The following RBMS3 variants were observed in gnomAD, a reference collection of about 807,000 sequenced individuals.
RBMS3 encodes RNA-binding motif, single-stranded-interacting protein 3.
Under a neutral mutation model 66.8 loss-of-function variants are expected in RBMS3, and 27 were observed. The observed-to-expected ratio is 0.40, with a 90% CI of 0.30 to 0.56. RBMS3 has a LOEUF of 0.56. Ranked by LOEUF, RBMS3 falls within the 20% of genes least tolerant of loss-of-function variation. RBMS3 has a pLI of 0.40. For synonymous variants in RBMS3, 188 were observed against 183.0 expected (o/e 1.03, Z -0.22); for missense variants, 513 against 549.5 (o/e 0.93, Z 0.66).
At chr3:29,501,763 T>G (rs1031062954) in intron 3 of RBMS3, among the ~76,000 whole-genome samples, 1 of 151,732 alleles carries the variant, frequency 6.6e-6, no homozygotes, top group Non-Finnish European at 1.5e-5. Context: ...ACTCAAAACA[T>G]AAACATAAAA....
At chr3:29,297,768 T>C (rs1169853309) in intron 1 of RBMS3, among the ~76,000 whole-genome samples, 3 of 151,758 alleles carry the variant, frequency 2.0e-5, no homozygotes, top group Non-Finnish European at 4.4e-5. Flanking sequence ...AGTAAATAAA[T>C]TAGAGGGGAG....
intron 6 of RBMS3, among the ~76,000 whole-genome samples, chr3:29,769,690 T>C (rs1002129059): frequency 6.6e-6 from 1 of 151,850 alleles, no homozygotes; most frequent in Non-Finnish European, 1.5e-5. Flanking sequence ...TCAAGGGCTG[T>C]ATGCTTAGCT....
intron 6 of RBMS3, among the ~76,000 whole-genome samples, chr3:29,808,320 C>T (rs1418937755): frequency 6.6e-6 from 1 of 151,930 alleles, no homozygotes; most frequent in East Asian, 1.9e-4. Context: ...TATTTATACC[C>T]AATTTGGCTT....
intron 4 of RBMS3, 131 bp downstream of exon 4, chr3:29,587,336 T>TGCTCTGA: frequency 1.8e-6 from 1 of 551,368 alleles, no homozygotes; most frequent in Middle Eastern, 5.2e-4. Flanking sequence ...ATTTCTCCTT[T>TGCTCTGA]GCTCTGAGCT....
At chr3:29,349,246 A>T (rs541903082) in intron 1 of RBMS3, among the ~76,000 whole-genome samples, 1 of 152,306 alleles carries the variant, frequency 6.6e-6, no homozygotes, top group East Asian at 1.9e-4. Flanking sequence ...ATTAGCCTCC[A>T]GTGGTTTTCC....
chr3:29,509,666 C>A (rs2044323141), intron 3 of RBMS3, among the ~76,000 whole-genome samples: 1 of 152,166 alleles, frequency 6.6e-6, no homozygotes, highest in Admixed American at 6.5e-5. Context: ...TCCACGCTAG[C>A]CCAAGCTGCC....
At chr3:29,508,974 G>T (rs1407551015) in intron 3 of RBMS3, among the ~76,000 whole-genome samples, 6 of 151,276 alleles carry the variant, frequency 4.0e-5, no homozygotes, top group African/African-American at 1.5e-4. Flanking sequence ...TTCTTCATGT[G>T]TTTGTTGGCT....
At chr3:29,941,289 G>C (rs2149698680) in intron 11 of RBMS3, among the ~76,000 whole-genome samples, 1 of 151,828 alleles carries the variant, frequency 6.6e-6, no homozygotes, top group South Asian at 2.1e-4. Flanking sequence ...GATAGTATCA[G>C]GTGAAAATCC....
At chr3:29,770,993 C>T (rs966109865) in intron 6 of RBMS3, among the ~76,000 whole-genome samples, 1 of 152,008 alleles carries the variant, frequency 6.6e-6, no homozygotes, top group African/African-American at 2.4e-5. Flanking sequence ...GCTATACATA[C>T]ACCTCATCAT....
At chr3:29,440,629 C>T (rs1237394744) in intron 2 of RBMS3, among the ~76,000 whole-genome samples, 3 of 152,140 alleles carry the variant, frequency 2.0e-5, no homozygotes, top group Non-Finnish European at 4.4e-5. Context: ...AGAGGGGAAA[C>T]ACCCACAATG....
intron 4 of RBMS3, among the ~76,000 whole-genome samples, chr3:29,709,186 C>T (rs576687602): frequency 3.9e-5 from 6 of 152,194 alleles, no homozygotes; most frequent in Non-Finnish European, 5.9e-5. Context: ...TCAGGGTTGG[C>T]TTCCCAAGGA....
intron 4 of RBMS3, among the ~76,000 whole-genome samples, chr3:29,649,783 T>C (rs1044555055): frequency 2.0e-5 from 3 of 152,252 alleles, no homozygotes; most frequent in Non-Finnish European, 4.4e-5. Context: ...TTTATGTATA[T>C]GCATATGTTC....
At chr3:29,556,146 C>T (rs2046354706) in intron 3 of RBMS3, among the ~76,000 whole-genome samples, 1 of 152,050 alleles carries the variant, frequency 6.6e-6, no homozygotes, top group African/African-American at 2.4e-5. Context: ...AGCTTATATC[C>T]AGGTAAATCA....
At chr3:29,547,335 T>C (rs904868751) in intron 3 of RBMS3, among the ~76,000 whole-genome samples, 4 of 152,178 alleles carry the variant, frequency 2.6e-5, no homozygotes, top group African/African-American at 9.7e-5. Flanking sequence ...ATTATAATTA[T>C]CATTCATTAT....
chr3:29,890,861 G>A (rs1021916647), intron 8 of RBMS3, among the ~76,000 whole-genome samples: 3 of 151,394 alleles, frequency 2.0e-5, no homozygotes, highest in South Asian at 2.1e-4. Context: ...CACCGTTTAC[G>A]TTTTTATTTA....
chr3:29,865,054 A>C (rs74583184), intron 6 of RBMS3, among the ~76,000 whole-genome samples: 14,254 of 123,116 alleles, frequency 0.12, 990 homozygotes, highest in African/African-American at 0.19. Context: ...GGAGGGAAGG[A>C]AGGAAGGAAG....
At chr3:29,934,737 G>A (rs1269727202) in intron 10 of RBMS3, among the ~76,000 whole-genome samples, 2 of 152,044 alleles carry the variant, frequency 1.3e-5, no homozygotes, top group Non-Finnish European at 2.9e-5. Flanking sequence ...GAACAAAGCT[G>A]GCCCTGTATA....
At chr3:29,587,238 T>G (rs779640244) in intron 4 of RBMS3, 33 bp downstream of exon 4, 6 of 819,018 alleles carry the variant, frequency 7.3e-6, no homozygotes, top group African/African-American at 2.5e-5. Context: ...TTTTTTTTTT[T>G]TTTTTTTTTT....
At chr3:29,706,679 G>A (rs753158881) in intron 4 of RBMS3, among the ~76,000 whole-genome samples, 5 of 152,170 alleles carry the variant, frequency 3.3e-5, no homozygotes, top group Non-Finnish European at 4.4e-5. Flanking sequence ...GGATAAAGCC[G>A]TGAATGAAAA....
Sources: allele counts gnomAD v4.1 joint callset (sites outside exome capture counted in the v4.1 genomes callset), GRCh38; gene constraint gnomAD v4.1.1; transcripts MANE v1.5; gene names NCBI Gene and HGNC (gene_info 2026-07-23, HGNC 2026-07-21).